The following UBQLN4 variants were observed in gnomAD, a reference collection of about 807,000 sequenced individuals.
The protein encoded by UBQLN4 is ubiquilin-4.
In UBQLN4, 11 loss-of-function variants were observed where a neutral mutation model predicts 60.4. That is an observed-to-expected ratio of 0.18 (90% CI 0.11 to 0.30). The LOEUF is 0.30. Ranked by LOEUF, UBQLN4 falls within the 10% of genes least tolerant of loss-of-function variation. The pLI is 1.00. For synonymous variants in UBQLN4, 258 were observed against 313.1 expected (o/e 0.82, Z 1.86); for missense variants, 417 against 795.5 (o/e 0.52, Z 5.72).
chr1:156,033,566 G>A (rs1470778741), downstream of UBQLN4, among the ~76,000 whole-genome samples: 13 of 152,218 alleles, frequency 8.5e-5, no homozygotes, highest in East Asian at 2.5e-3. Flanking sequence ...GCATGGGCTG[G>A]GCGCGACGGC....
intron 5 of UBQLN4, among the ~76,000 whole-genome samples, chr1:156,047,375 C>G (rs1683731820): frequency 6.6e-6 from 1 of 151,558 alleles, no homozygotes; most frequent in South Asian, 2.1e-4. Context: ...TCCCAAATAG[C>G]TGGGACTACA....
chr1:156,051,398 T>C lies in UBQLN4; in HGVS notation c.261-71A>G, dbSNP rs1683867075. 2.6e-6 allele frequency: 4 copies of C among 1,512,094 alleles called. No individual in the cohort carries two copies. In the African/African-American group the frequency reaches 5.5e-5, roughly 21 times the overall value. 93.7% of individuals were successfully genotyped at this position (1,512,094 alleles called of 1,614,324 possible). A position where few individuals can be genotyped will look rare whatever the true frequency, so the allele number is the denominator to read the frequency against. Reference sequence around the variant, plus strand: ...AGGGAAGGTACCGTGACAATCTCTGTGCTTGCTATGGGACAACTATTTTAA... The same window carrying C: ...AGGGAAGGTACCGTGACAATCTCTGCGCTTGCTATGGGACAACTATTTTAA... On this transcript the variant is annotated intron_variant, in intron 2 of 10. Transcript: ENST00000368309.
At chr1:156,033,014 C>T (rs1459157433), downstream of UBQLN4, among the ~76,000 whole-genome samples, 1 of 152,176 alleles carries the variant, frequency 6.6e-6, no homozygotes, top group Non-Finnish European at 1.5e-5. Flanking sequence ...AGGCAATGCC[C>T]GTACTCAAGA....
chr1:156,044,377 C>T (rs1051117297), intron 5 of UBQLN4, among the ~76,000 whole-genome samples, 154 bp from the exon 6 acceptor site: 1 of 152,174 alleles, frequency 6.6e-6, no homozygotes, highest in Non-Finnish European at 1.5e-5. Context: ...CTTTGCCCCA[C>T]AATGGATAGC....
At chr1:156,032,901 T>G (rs1004418291), downstream of UBQLN4, among the ~76,000 whole-genome samples, 1 of 151,350 alleles carries the variant, frequency 6.6e-6, no homozygotes, top group Non-Finnish European at 1.5e-5. Context: ...TGAGGAAAAA[T>G]GAGGTGAAAG....
At chr1:156,049,848 C>A (rs555896952) in intron 4 of UBQLN4, among the ~76,000 whole-genome samples, 3 of 152,356 alleles carry the variant, frequency 2.0e-5, no homozygotes, top group Non-Finnish European at 2.9e-5. Flanking sequence ...TGGGCCCTGC[C>A]CAGCCACAGT....
At chr1:156,053,569 C>A in intron 1 of UBQLN4, 25 bp downstream of exon 1, 2 of 1,259,308 alleles carry the variant, frequency 1.6e-6, no homozygotes, top group East Asian at 2.9e-5. Flanking sequence ...TCCGCGCTCC[C>A]CCCGCCCCCC....
intron 5 of UBQLN4, among the ~76,000 whole-genome samples, chr1:156,046,324 CTAA>C: frequency 9.2e-6 from 1 of 108,290 alleles, no homozygotes; most frequent in Non-Finnish European, 2.0e-5. Context: ...CCCGTCTCTA[CTAA>C]TAATACAAAA....
intron 7 of UBQLN4, chr1:156,042,538 G>A: frequency 9.1e-7 from 1 of 1,098,844 alleles, no homozygotes. Flanking sequence ...CACTTAACGT[G>A]TATTAACTCA....
downstream of UBQLN4, among the ~76,000 whole-genome samples, chr1:156,031,432 G>C (rs187029535): frequency 1.4e-4 from 21 of 152,230 alleles, no homozygotes; most frequent in African/African-American, 5.1e-4. Context: ...AGAAAGCAAA[G>C]ATGCTAGAGT....
At chr1:156,031,813 A>G (rs967870848), downstream of UBQLN4, among the ~76,000 whole-genome samples, 1 of 151,604 alleles carries the variant, frequency 6.6e-6, no homozygotes, top group Non-Finnish European at 1.5e-5. Context: ...GGAACTTCTT[A>G]ATTGTCTGTT....
chr1:156,045,591 G>A (rs1428017204), intron 5 of UBQLN4, among the ~76,000 whole-genome samples: 1 of 152,172 alleles, frequency 6.6e-6, no homozygotes, highest in Non-Finnish European at 1.5e-5. Flanking sequence ...CATTAAAACT[G>A]TTTTCATAAT....
At chr1:156,045,509 C>T (rs1319484715) in intron 5 of UBQLN4, among the ~76,000 whole-genome samples, 1 of 152,266 alleles carries the variant, frequency 6.6e-6, no homozygotes, top group Admixed American at 6.5e-5. Flanking sequence ...GTGCCTGACA[C>T]ATTTATTCTA....
In UBQLN4 at chr1:156,042,620, T is replaced by C; in HGVS notation, c.1266+154A>G. On this transcript the variant is annotated intron_variant, in intron 7 of 10. Coordinates refer to ENST00000368309, the MANE Select transcript of UBQLN4 (RefSeq NM_020131.5). ...CTTACAGATAAAGAAACTGGGAGGC[T>C]AAATAACTTGCTTAACTCACACAGC... 4.9e-6 allele frequency: 6 copies of C among 1,229,516 alleles called. No homozygotes were observed. The South Asian group carries it at 9.9e-5, about 20-fold the overall frequency. 76.2% of individuals were successfully genotyped at this position (1,229,516 alleles called of 1,614,324 possible).
At chr1:156,041,217 G>A (rs1166283074) in intron 10 of UBQLN4, among the ~76,000 whole-genome samples, 1 of 152,192 alleles carries the variant, frequency 6.6e-6, no homozygotes. Flanking sequence ...TGTGAGGAAT[G>A]TGGTAAATGA....
In UBQLN4 at chr1:156,036,154, T is replaced by C. The variant is rs41265005; in HGVS notation, c.*824A>G. ...TTTAAATTCCATTAGCATCTCTAAGTCTCTTCTGCCAGCTCGGGCCTGGAT... is the reference window on the plus strand; with the variant it reads ...TTTAAATTCCATTAGCATCTCTAAGCCTCTTCTGCCAGCTCGGGCCTGGAT... On this transcript the variant is annotated 3_prime_UTR_variant, in exon 11 of 11. Coordinates refer to ENST00000368309, the MANE Select transcript of UBQLN4 (RefSeq NM_020131.5). The C allele has an allele frequency of 1.0e-5, 10 of 985,486 alleles. No homozygotes were observed. Among genetic ancestry groups the C allele is most frequent in the African/African-American group, 1.7e-5 (1 of 57,246 alleles). The allele number at this position is 985,486 out of a possible 1,614,324, so 61.0% of individuals were successfully genotyped here. A position where few individuals can be genotyped will look rare whatever the true frequency, so the allele number is the denominator to read the frequency against.
intron 5 of UBQLN4, among the ~76,000 whole-genome samples, chr1:156,047,767 T>C (rs1041874136): frequency 1.3e-4 from 19 of 150,638 alleles, no homozygotes; most frequent in African/African-American, 3.4e-4. Context: ...TGGTGGCATG[T>C]ACCTGTAGTC....
At chr1:156,047,808 C>T (rs775101624) in intron 5 of UBQLN4, among the ~76,000 whole-genome samples, 1 of 148,844 alleles carries the variant, frequency 6.7e-6, no homozygotes, top group Non-Finnish European at 1.5e-5. Flanking sequence ...AGGAGAATTG[C>T]TTGAACCCGG....
At chr1:156,039,393 G>C (rs1360273941) in intron 10 of UBQLN4, among the ~76,000 whole-genome samples, 1 of 151,800 alleles carries the variant, frequency 6.6e-6, no homozygotes, top group Non-Finnish European at 1.5e-5. Context: ...TGGGATGATA[G>C]GCATGCGCCA....
Sources: allele counts gnomAD v4.1 joint callset (sites outside exome capture counted in the v4.1 genomes callset), GRCh38; gene constraint gnomAD v4.1.1; transcripts MANE v1.5; gene names NCBI Gene and HGNC (gene_info 2026-07-23, HGNC 2026-07-21).